Variants in PKP2 observed in about 807,000 individuals in gnomAD.
PKP2 encodes the protein plakophilin 2, also known as plakophilin-2.
A neutral mutation model predicts 83.4 loss-of-function variants in PKP2; 73 were observed. The ratio of observed to expected loss-of-function variants is 0.88; its 90% CI spans 0.72 to 1.06. The LOEUF is 1.06. Ranked by LOEUF, PKP2 falls within the 50% of genes least tolerant of loss-of-function variation. The pLI is 0.00. For missense variants in PKP2, 966 were observed against 1,065.4 expected (o/e 0.91, Z 1.30); for synonymous variants, 409 against 430.4 (o/e 0.95, Z 0.62).
intron 6 of PKP2, among the ~76,000 whole-genome samples, chr12:32,828,159 G>T (rs1437269711): frequency 6.6e-6 from 1 of 152,234 alleles, no homozygotes; most frequent in East Asian, 1.9e-4. Context: ...AATGGGGGAA[G>T]AAATAGAATC....
intron 10 of PKP2, 128 bp downstream of exon 10, chr12:32,802,275 G>A (rs768788669): frequency 2.4e-5 from 22 of 928,824 alleles, no homozygotes; most frequent in South Asian, 1.2e-4. Flanking sequence ...AAGGCAGGCC[G>A]GTTTATCACC....
chr12:32,891,761 G>A (rs1021967204), intron 1 of PKP2, among the ~76,000 whole-genome samples: 1 of 152,092 alleles, frequency 6.6e-6, no homozygotes, highest in African/African-American at 2.4e-5. Flanking sequence ...GCTACTCTGG[G>A]TCTACTTGTG....
intron 6 of PKP2, among the ~76,000 whole-genome samples, chr12:32,827,065 TGC>T (rs1177540122): frequency 6.6e-6 from 1 of 152,250 alleles, no homozygotes; most frequent in East Asian, 1.9e-4. Context: ...AGTTTAAAAT[TGC>T]TTTGACAAAT....
intron 6 of PKP2, among the ~76,000 whole-genome samples, chr12:32,836,461 C>T (rs1446666165): frequency 2.0e-5 from 3 of 152,192 alleles, no homozygotes; most frequent in Non-Finnish European, 4.4e-5. Flanking sequence ...ATTAGTTAAG[C>T]AAACATTTTA....
rs118178127 is a variant in PKP2 at position 32,873,394 on chromosome 12, G to A, written c.1035-4332C>T. On this transcript the variant is annotated intron_variant, in intron 3 of 12. Coordinates refer to ENST00000340811, the MANE Select transcript of PKP2 (RefSeq NM_001005242.3). ...ATTACAGGTGTGAGCCACCATGCCCGGCCCTGCTCTTGTGTTCTTTAAATT... is the reference window on the plus strand; with the variant it reads ...ATTACAGGTGTGAGCCACCATGCCCAGCCCTGCTCTTGTGTTCTTTAAATT... 4.9e-3 allele frequency among the ~76,000 whole-genome samples: 752 copies of A among 152,070 alleles called. 2 individuals carry two copies. Among genetic ancestry groups the A allele is most frequent in the Non-Finnish European group, 7.9e-3 (538 of 67,970 alleles).
Position 32,792,729 on chromosome 12 carries a change from T to C in PKP2, c.2360A>G (p.Tyr787Cys), listed in dbSNP as rs200411128. The change falls in exon 12 of 13, where the codon TAT becomes TGT. Residue 787 changes from tyrosine to cysteine, a missense_variant and splice_region_variant. Physicochemically the swap from Tyr to Cys is radical, Grantham distance 194 (BLOSUM62 -2). Transcript: ENST00000340811. ...AGCTTTACTTGCTTTGTTGGAGGCA[T>C]AGCTGAAAAGAAAAGGACATTCTGA... ...KIMAISAGDA[Y>C]ASNKASKAAS... The C allele has an allele frequency of 3.9e-5, 63 of 1,613,386 alleles. 1 individual carries two copies. The South Asian group carries it at 6.9e-4, about 18-fold the overall frequency.
chr12:32,875,156 C>A (rs1405909310), intron 3 of PKP2, among the ~76,000 whole-genome samples: 2 of 152,024 alleles, frequency 1.3e-5, no homozygotes, highest in Non-Finnish European at 2.9e-5. Context: ...AGAGGGAGAA[C>A]AGATAAGCAA....
At chr12:32,846,914 G>A (rs1956651696) in intron 5 of PKP2, among the ~76,000 whole-genome samples, 1 of 152,024 alleles carries the variant, frequency 6.6e-6, no homozygotes, top group Non-Finnish European at 1.5e-5. Context: ...ATACAACTAG[G>A]TTCAAACCTG....
At chr12:32,895,458 A>G (rs1957114029) in intron 1 of PKP2, among the ~76,000 whole-genome samples, 2 of 152,196 alleles carry the variant, frequency 1.3e-5, no homozygotes, top group Admixed American at 6.5e-5. Flanking sequence ...ACATTCGCCA[A>G]TGCCCAAGTT....
Position 32,799,548 on chromosome 12 carries a change from C to G in PKP2, c.2167+2855G>C, listed in dbSNP as rs116705405. Reference sequence around the variant, plus strand: ...GGAGCCAACCTAAATGCCCATCAACCAACGAGTGGATACAGGAAATGTGGT... The same window carrying G: ...GGAGCCAACCTAAATGCCCATCAACGAACGAGTGGATACAGGAAATGTGGT... On this transcript the variant is annotated intron_variant, in intron 10 of 12. Coordinates refer to ENST00000340811, the MANE Select transcript of PKP2 (RefSeq NM_001005242.3). Among the ~76,000 whole-genome samples the G allele has an allele frequency of 3.9e-3, 589 of 152,248 alleles. 3 individuals are homozygous for G. Among genetic ancestry groups the G allele is most frequent in the African/African-American group, 0.014 (567 of 41,532 alleles).
Position 32,868,887 on chromosome 12 carries a change from A to T in PKP2, c.1170+40T>A, listed in dbSNP as rs771236687. 5.0e-6 allele frequency: 8 copies of T among 1,602,230 alleles called. No homozygotes were observed. The South Asian group carries it at 8.8e-5, about 18-fold the overall frequency. On this transcript the variant is annotated intron_variant, in intron 4 of 12. Transcript: ENST00000340811. ...GCAAAGTCACCATAATAGAAGTGAA[A>T]GTGTGTTGCGCTTTGCAATGGACTG...
chr12:32,824,500 T>C (rs1956414818), intron 6 of PKP2: 1 of 340,332 alleles, frequency 2.9e-6, no homozygotes, highest in South Asian at 2.5e-5. Context: ...AATGGCACAT[T>C]AGACATTATA....
At chr12:32,895,009 C>G (rs1957109254) in intron 1 of PKP2, among the ~76,000 whole-genome samples, 1 of 152,062 alleles carries the variant, frequency 6.6e-6, no homozygotes, top group Non-Finnish European at 1.5e-5. Flanking sequence ...TCTAACAAAT[C>G]CCACTTTGTA....
At chr12:32,883,285 C>T (rs896794131) in intron 1 of PKP2, among the ~76,000 whole-genome samples, 9 of 152,222 alleles carry the variant, frequency 5.9e-5, no homozygotes, top group African/African-American at 2.2e-4. Flanking sequence ...ACAACAAATA[C>T]TGCAGACTAA....
intron 6 of PKP2, among the ~76,000 whole-genome samples, chr12:32,837,788 A>G (rs1046290104): frequency 1.3e-5 from 2 of 152,208 alleles, no homozygotes; most frequent in African/African-American, 2.4e-5. Flanking sequence ...TGTAACTAAC[A>G]TCGTTGCCTT....
intron 1 of PKP2, among the ~76,000 whole-genome samples, chr12:32,881,702 T>G (rs530020804): frequency 4.6e-5 from 7 of 152,376 alleles, no homozygotes; most frequent in African/African-American, 1.7e-4. Context: ...TTGCCCAGGC[T>G]GGAGTGCAAT....
At chr12:32,860,628 T>C (rs774120926) in intron 4 of PKP2, among the ~76,000 whole-genome samples, 3 of 152,212 alleles carry the variant, frequency 2.0e-5, no homozygotes, top group Non-Finnish European at 2.9e-5. Flanking sequence ...GCTTAAAACC[T>C]AGATGACAGG....
chr12:32,805,308 T>C (rs548879046), intron 9 of PKP2, among the ~76,000 whole-genome samples: 2 of 152,310 alleles, frequency 1.3e-5, no homozygotes, highest in East Asian at 1.9e-4. Context: ...TTTAGTTTGA[T>C]TGCATCCCAT....
At chr12:32,845,765 C>G (rs541332865) in intron 5 of PKP2, among the ~76,000 whole-genome samples, 19 of 152,102 alleles carry the variant, frequency 1.2e-4, no homozygotes, top group African/African-American at 4.1e-4. Flanking sequence ...TCTTTTTAAC[C>G]GTGTTTTTCA....
Sources: gnomAD v4.1 joint callset for allele counts (sites outside exome capture counted in the v4.1 genomes callset) on GRCh38, gnomAD v4.1.1 for gene constraint, MANE v1.5 for transcripts, NCBI Gene and HGNC (gene_info 2026-07-23, HGNC 2026-07-21) for gene names.